Variants in IPO7 observed in about 807,000 individuals in gnomAD.
The protein encoded by IPO7 is importin 7.
A neutral mutation model predicts 136.4 loss-of-function variants in IPO7; 13 were observed. The ratio of observed to expected loss-of-function variants is 0.10; its 90% CI spans 0.06 to 0.15. The LOEUF is 0.15. Ranked by LOEUF, IPO7 falls within the 10% of genes least tolerant of loss-of-function variation. IPO7 has a pLI of 1.00. For synonymous variants in IPO7, 403 were observed against 404.4 expected, an observed-to-expected ratio of 1.00 and a Z score of 0.04; for missense variants, 857 against 1,240.6, an observed-to-expected ratio of 0.69 and a Z score of 4.65.
At chr11:9,414,125 A>G (rs1855006441) in intron 4 of IPO7, 130 bp from the exon 5 acceptor site, 5 of 611,944 alleles carry the variant, frequency 8.2e-6, no homozygotes, top group Non-Finnish European at 1.3e-5. Context: ...GTTTTGTTCT[A>G]GATATTTTTC....
intron 6 of IPO7, among the ~76,000 whole-genome samples, chr11:9,418,055 C>A (rs964369807): frequency 6.7e-6 from 1 of 150,342 alleles, no homozygotes; most frequent in African/African-American, 2.4e-5. Context: ...TTACAGATTA[C>A]TGAATACGCT....
intron 6 of IPO7, 51 bp downstream of exon 6, chr11:9,417,199 C>A: frequency 2.6e-6 from 2 of 777,788 alleles, no homozygotes; most frequent in South Asian, 1.7e-5. Flanking sequence ...ATTTAATGAT[C>A]TTTTGAAGAC....
chr11:9,443,057 A>G (rs1358930483), intron 24 of IPO7, among the ~76,000 whole-genome samples: 1 of 151,994 alleles, frequency 6.6e-6, no homozygotes, highest in Non-Finnish European at 1.5e-5. Context: ...TAGAGAACAC[A>G]GCCAGACATG....
At chr11:9,418,832 T>A (rs1283516724) in intron 6 of IPO7, among the ~76,000 whole-genome samples, 1 of 152,140 alleles carries the variant, frequency 6.6e-6, no homozygotes, top group Non-Finnish European at 1.5e-5. Flanking sequence ...CATCATCTCA[T>A]TCCCGGCACA....
intron 5 of IPO7, among the ~76,000 whole-genome samples, chr11:9,416,616 A>G (rs796523969): frequency 5.3e-5 from 8 of 152,336 alleles, no homozygotes; most frequent in African/African-American, 1.9e-4. Flanking sequence ...TCCCAGGAAT[A>G]CAAGAATGGA....
chr11:9,408,713 T>G (rs949281165), intron 3 of IPO7, 74 bp downstream of exon 3: 12 of 999,520 alleles, frequency 1.2e-5, no homozygotes, highest in East Asian at 5.8e-5. Flanking sequence ...GGTTTTTTTT[T>G]TTTTTTTTTT....
intron 1 of IPO7, among the ~76,000 whole-genome samples, chr11:9,400,952 C>A (rs1029883990): frequency 6.6e-6 from 1 of 151,566 alleles, no homozygotes; most frequent in Non-Finnish European, 1.5e-5. Context: ...GAAGCCGAGG[C>A]GGGTGGATCA....
At chr11:9,393,753 T>TA (rs984458768) in intron 1 of IPO7, among the ~76,000 whole-genome samples, 17 of 152,218 alleles carry the variant, frequency 1.1e-4, no homozygotes, top group African/African-American at 4.1e-4. Context: ...TGAAAATGAG[T>TA]AAAAAATTTT....
intron 24 of IPO7, among the ~76,000 whole-genome samples, chr11:9,443,318 C>T (rs903840726): frequency 5.3e-5 from 8 of 152,164 alleles, no homozygotes; most frequent in East Asian, 1.9e-4. Context: ...CTAAGCCGGG[C>T]GCAGTGGCTC....
chr11:9,420,359 T>A, intron 6 of IPO7, 52 bp from the exon 7 acceptor site: 1 of 1,169,630 alleles, frequency 8.5e-7, no homozygotes, highest in Non-Finnish European at 1.3e-6. Flanking sequence ...CATCTCATGC[T>A]GTTCCTCCTA....
chr11:9,409,800 G>A (rs1457304676), intron 3 of IPO7, 128 bp from the exon 4 acceptor site: 1 of 602,554 alleles, frequency 1.7e-6, no homozygotes, highest in African/African-American at 1.9e-5. Context: ...TATATATTCT[G>A]TGTACATCTA....
intron 1 of IPO7, among the ~76,000 whole-genome samples, chr11:9,396,613 C>T (rs1307102034): frequency 6.6e-6 from 1 of 152,150 alleles, no homozygotes; most frequent in African/African-American, 2.4e-5. Context: ...AGGCAACAAT[C>T]CTATTTTCTG....
rs779738336 is a variant in IPO7, at chr11:9,429,729, T to C, written c.1647T>C (p.Ile549=). 1.9e-6 allele frequency: 3 copies of C among 1,607,518 alleles called. No individual in the cohort carries two copies. In the East Asian group the frequency reaches 6.7e-5, roughly 36 times the overall value. ...CTGTAATGCAGGCTCTTCTTCACAT[T>C]ATAAGAGAAACAGAAAATGATGACC... ...IRPVMQALLH[I]IRETENDDLT... is the part of the protein sequence containing the mutation. The change falls in exon 15 of 25, where the codon ATT becomes ATC. Residue 549 remains isoleucine, a synonymous_variant. Coordinates refer to ENST00000379719, the MANE Select transcript of IPO7 (RefSeq NM_006391.3).
chr11:9,438,045 GTTT>G lies in IPO7; in HGVS notation c.2490-5_2490-3del, dbSNP rs202038310. On this transcript the variant is annotated intron_variant, in intron 21 of 24. Transcript: ENST00000379719. ...TCTGCTTATTTAAGAAAAGAAAACA[GTTT>G]TTTTTTTTTTTTTTTTTTTTTTTTT... 4,935 of 1,087,154 alleles carry G rather than the reference GTTT, an allele frequency of 4.5e-3. 2 individuals carry two copies. The highest frequency in any genetic ancestry group is 9.2e-3 in the East Asian group (252 of 27,438). The allele number at this position is 1,087,154 out of a possible 1,614,324, so 67.3% of individuals were successfully genotyped here. A position where few individuals can be genotyped will look rare whatever the true frequency, so the allele number is the denominator to read the frequency against.
chr11:9,391,016 C>T (rs919361012), intron 1 of IPO7, among the ~76,000 whole-genome samples: 11 of 152,214 alleles, frequency 7.2e-5, no homozygotes, highest in Admixed American at 2.0e-4. Context: ...GTGATCCACC[C>T]GCCTCTGCCT....
chr11:9,439,390 A>G lies in IPO7; in HGVS notation c.2696-1065A>G, dbSNP rs149114049. Among the ~76,000 whole-genome samples, 540 of 152,298 alleles carry G rather than the reference A, an allele frequency of 3.5e-3. 3 individuals are homozygous for G. Among genetic ancestry groups the G allele is most frequent in the African/African-American group, 0.012 (503 of 41,570 alleles). On this transcript the variant is annotated intron_variant, in intron 22 of 24. Transcript: ENST00000379719. ...CTGGGCCTCCCAAAGTGCTGGGATT[A>G]CAGGCGTGAGCCACTGCACTGAGCC... is the stretch of plus-strand genomic sequence containing the variant.
intron 1 of IPO7, among the ~76,000 whole-genome samples, chr11:9,387,429 A>T (rs947072622): frequency 1.3e-5 from 2 of 152,164 alleles, no homozygotes; most frequent in African/African-American, 4.8e-5. Flanking sequence ...CCCTGTTCAA[A>T]TGTCTCCTTA....
chr11:9,392,194 T>TTTTTTAG, intron 1 of IPO7: 1 of 322,560 alleles, frequency 3.1e-6, no homozygotes, highest in South Asian at 2.4e-5. Flanking sequence ...TTTTTTTTTT[T>TTTTTTAG]GAGACGGAGT....
At chr11:9,417,993 G>A (rs1348089443) in intron 6 of IPO7, among the ~76,000 whole-genome samples, 2 of 151,816 alleles carry the variant, frequency 1.3e-5, no homozygotes, top group African/African-American at 2.4e-5. Flanking sequence ...GATTACAGGC[G>A]TGAGCCACTG....
Sources: gnomAD v4.1 joint callset for allele counts (sites outside exome capture counted in the v4.1 genomes callset) on GRCh38, gnomAD v4.1.1 for gene constraint, MANE v1.5 for transcripts, NCBI Gene and HGNC (gene_info 2026-07-23, HGNC 2026-07-21) for gene names.